Variants in MYH10 observed in about 807,000 individuals in gnomAD.
The protein encoded by MYH10 is myosin heavy chain 10, also known as myosin-10.
MYH10 carries 55 observed loss-of-function variants against 257.8 expected under a neutral mutation model. The ratio of observed to expected loss-of-function variants is 0.21; its 90% CI spans 0.17 to 0.27. MYH10 has a LOEUF of 0.27. Among genes scored for constraint, MYH10 ranks in the 10% least tolerant of loss-of-function variants. The probability of loss-of-function intolerance (pLI) is 1.00; values close to 1 mark genes in which losing one functional copy is unlikely to be tolerated. For missense variants in MYH10, 1,631 were observed against 2,500.6 expected (o/e 0.65, Z 7.42); for synonymous variants, 854 against 921.7 (o/e 0.93, Z 1.33).
intron 2 of MYH10, among the ~76,000 whole-genome samples, chr17:8,618,287 T>C (rs551422258): frequency 2.0e-5 from 3 of 151,890 alleles, no homozygotes; most frequent in Non-Finnish European, 4.4e-5. Context: ...TCGCTCTTGT[T>C]GCCCAGGCTG....
Position 8,504,941 on chromosome 17 carries a change from G to T in MYH10, c.3387-35C>A. On this transcript the variant is annotated intron_variant, in intron 27 of 42. Coordinates refer to ENST00000360416, the MANE Select transcript of MYH10 (RefSeq NM_001256012.3). This position sits in a 1 kb window ranked among gnomAD's most constrained non-coding sequence, Gnocchi z 5.6. ...CACCCAGGCGCAAGAGGCACTCAGAGATGGCACCCGGATGGCCTGTTTCTC... is the reference window on the plus strand; with the variant it reads ...CACCCAGGCGCAAGAGGCACTCAGATATGGCACCCGGATGGCCTGTTTCTC... 6.3e-7 allele frequency: 1 copy of T among 1,583,052 alleles called. No individual in the cohort carries two copies. Among genetic ancestry groups the T allele is most frequent in the Non-Finnish European group, 8.7e-7 (1 of 1,152,516 alleles).
At chr17:8,621,362 C>G (rs1434938127) in intron 2 of MYH10, among the ~76,000 whole-genome samples, 1 of 152,144 alleles carries the variant, frequency 6.6e-6, no homozygotes, top group African/African-American at 2.4e-5. Flanking sequence ...CCATCAGCCC[C>G]TCCCACCCAG....
At chr17:8,522,434 C>A (rs2081686643) in intron 17 of MYH10, among the ~76,000 whole-genome samples, 1 of 152,170 alleles carries the variant, frequency 6.6e-6, no homozygotes, top group Admixed American at 6.5e-5. Context: ...AATTTCCAGG[C>A]CCATGCAGGC....
intron 7 of MYH10, among the ~76,000 whole-genome samples, chr17:8,559,863 C>A (rs567853429): frequency 6.6e-6 from 1 of 152,150 alleles, no homozygotes; most frequent in South Asian, 2.1e-4. Flanking sequence ...ATTATCTATA[C>A]ACTACCTCAT....
chr17:8,476,270 A>G (rs984128894), intron 42 of MYH10, among the ~76,000 whole-genome samples: 1 of 152,236 alleles, frequency 6.6e-6, no homozygotes, highest in African/African-American at 2.4e-5. Flanking sequence ...CAGATAGCAA[A>G]GTGGGCCACA....
chr17:8,587,161 G>C (rs1253774367), intron 4 of MYH10, among the ~76,000 whole-genome samples: 2 of 152,140 alleles, frequency 1.3e-5, no homozygotes, highest in Non-Finnish European at 2.9e-5. Context: ...CCAACAGTCA[G>C]CCAGCCATCC....
At chr17:8,487,372 G>A (rs969797940) in intron 36 of MYH10, 61 bp downstream of exon 36, 1 of 1,598,576 alleles carries the variant, frequency 6.3e-7, no homozygotes, top group East Asian at 2.2e-5. Context: ...GCTGGACTCT[G>A]TGTAAAAGCC....
intron 21 of MYH10, among the ~76,000 whole-genome samples, chr17:8,515,828 G>A (rs1040260307): frequency 1.3e-5 from 2 of 152,144 alleles, no homozygotes; most frequent in Non-Finnish European, 2.9e-5. Flanking sequence ...ACAGGTGTGA[G>A]CCACCGTGCC....
chr17:8,572,193 A>T (rs569193420), intron 6 of MYH10, among the ~76,000 whole-genome samples: 177 of 151,528 alleles, frequency 1.2e-3, no homozygotes, highest in African/African-American at 4.1e-3. Flanking sequence ...GGATTATTTG[A>T]GTCAAATTTT....
chr17:8,533,791 A>G (rs1229858831), intron 16 of MYH10, among the ~76,000 whole-genome samples: 1 of 152,042 alleles, frequency 6.6e-6, no homozygotes, highest in Non-Finnish European at 1.5e-5. Context: ...TTGCATACTG[A>G]TCTCATTCCT....
chr17:8,547,706 G>C (rs1342864085), intron 11 of MYH10, among the ~76,000 whole-genome samples: 1 of 146,710 alleles, frequency 6.8e-6, no homozygotes, highest in Non-Finnish European at 1.5e-5. Flanking sequence ...CAGACCATCT[G>C]AAGCAAACTG....
intron 21 of MYH10, among the ~76,000 whole-genome samples, chr17:8,515,674 C>G (rs1247958644): frequency 6.7e-6 from 1 of 150,350 alleles, no homozygotes; most frequent in Non-Finnish European, 1.5e-5. Context: ...TCCCGAGAAG[C>G]TGGGACTACA....
At chr17:8,595,425 CTTTTTTT>C (rs10664342) in intron 3 of MYH10, among the ~76,000 whole-genome samples, 59 of 84,162 alleles carry the variant, frequency 7.0e-4, no homozygotes, top group East Asian at 1.4e-3. Context: ...AAGAACAGTT[CTTTTTTT>C]TTTTTTTTTT....
At chr17:8,514,629 C>T (rs557673218) in intron 21 of MYH10, among the ~76,000 whole-genome samples, 2 of 151,578 alleles carry the variant, frequency 1.3e-5, no homozygotes, top group Admixed American at 6.6e-5. Context: ...CCCTCAACCC[C>T]CCTCCTGCCA....
At chr17:8,580,884 G>A (rs1029702401) in intron 4 of MYH10, among the ~76,000 whole-genome samples, 3 of 152,114 alleles carry the variant, frequency 2.0e-5, no homozygotes, top group African/African-American at 7.2e-5. Flanking sequence ...AGATTATAAG[G>A]ATATAAGGAA....
At position 8,552,095 on chromosome 17, in the gene MYH10, A is replaced by G; in HGVS notation, c.870T>C (p.Thr290=). Residue 290 remains threonine (T), a synonymous_variant, in exon 9 of 43, where the codon ACT becomes ACC. Transcript: ENST00000360416. The surrounding 1 kb of genome is among the most constrained non-coding windows in gnomAD (Gnocchi z 4.8). ...RAVRQAKDER[T]FHIFYQLLSG... The stretch of plus-strand genomic sequence containing the variant: ...ATAACAACTGGTAAAAGATATGAAA[A>G]GTACGTTCATCTTTTGCTTGACGAA... 1 of 1,563,876 alleles carries G rather than the reference A, an allele frequency of 6.4e-7. No homozygotes were observed. Among genetic ancestry groups the G allele is most frequent in the Non-Finnish European group, 8.7e-7 (1 of 1,150,726 alleles).
chr17:8,541,131 T>C (rs1288732734), intron 14 of MYH10, among the ~76,000 whole-genome samples: 2 of 152,222 alleles, frequency 1.3e-5, no homozygotes, highest in South Asian at 2.1e-4. Flanking sequence ...CTCTTCCCGA[T>C]GTGCCACTGC....
Position 8,478,446 on chromosome 17 carries a change from C to T in MYH10, c.5598G>A (p.Lys1866=). 1 of 1,613,992 alleles carries T rather than the reference C, an allele frequency of 6.2e-7. No individual in the cohort carries two copies. Among genetic ancestry groups the T allele is most frequent in the Non-Finnish European group, 8.5e-7 (1 of 1,179,866 alleles). Reference sequence around the variant, plus strand: ...CTAATTTGTTGGCGGCTGCTCGTTCCCTGTGAAAGTGGTCACAGTAGTTTT... The same window carrying T: ...CTAATTTGTTGGCGGCTGCTCGTTCTCTGTGAAAGTGGTCACAGTAGTTTT... ...QLEEQLEQEA[K]ERAAANKLVR... is the part of the protein sequence containing the mutation. Residue 1866 remains lysine, a splice_region_variant and synonymous_variant, in exon 41 of 43, where the codon AAG becomes AAA. Coordinates refer to ENST00000360416, the MANE Select transcript of MYH10 (RefSeq NM_001256012.3).
At chr17:8,549,335 T>G (rs1478235041) in intron 9 of MYH10, among the ~76,000 whole-genome samples, 3 of 152,168 alleles carry the variant, frequency 2.0e-5, no homozygotes, top group East Asian at 3.9e-4. Flanking sequence ...GTGGTTAAGT[T>G]GCCTTTAGAA....
Sources: allele counts gnomAD v4.1 joint callset (sites outside exome capture counted in the v4.1 genomes callset), GRCh38; gene constraint gnomAD v4.1.1; non-coding constraint Gnocchi (gnomAD v3.1); transcripts MANE v1.5; gene names NCBI Gene and HGNC (gene_info 2026-07-23, HGNC 2026-07-21).